Variants in EXOSC7 observed in about 807,000 individuals in gnomAD.
The protein encoded by EXOSC7 is exosome complex component RRP42.
A neutral mutation model predicts 34.3 loss-of-function variants in EXOSC7; 25 were observed. The observed-to-expected ratio is 0.73, with a 90% CI of 0.53 to 1.02. The LOEUF is 1.02. Among genes scored for constraint, EXOSC7 ranks in the 50% least tolerant of loss-of-function variants. EXOSC7 has a pLI of 0.00. For missense variants in EXOSC7, 370 were observed against 368.5 expected, an observed-to-expected ratio of 1.00 and a Z score of -0.03; for synonymous variants, 130 against 143.0, an observed-to-expected ratio of 0.91 and a Z score of 0.65.
intron 3 of EXOSC7, among the ~76,000 whole-genome samples, chr3:44,994,738 G>A (rs1284280896): frequency 6.6e-6 from 1 of 151,940 alleles, no homozygotes; most frequent in Non-Finnish European, 1.5e-5. Flanking sequence ...CGTTTTCCTA[G>A]CCTCCTCCCC....
chr3:44,988,708 TAGG>T (rs1056208648), intron 1 of EXOSC7, among the ~76,000 whole-genome samples: 48 of 152,316 alleles, frequency 3.2e-4, no homozygotes, highest in African/African-American at 1.2e-3. Flanking sequence ...GTTTTAGGGG[TAGG>T]AGGGCTTCAG....
intron 1 of EXOSC7, among the ~76,000 whole-genome samples, chr3:44,979,901 C>G (rs964592147): frequency 6.6e-6 from 1 of 152,016 alleles, no homozygotes; most frequent in African/African-American, 2.4e-5. Flanking sequence ...GAACCCTCTT[C>G]AGGTAGTTCA....
chr3:45,008,552 C>T (rs1707119827), intron 7 of EXOSC7, among the ~76,000 whole-genome samples: 1 of 152,108 alleles, frequency 6.6e-6, no homozygotes, highest in South Asian at 2.1e-4. Context: ...CCATAGTCCC[C>T]CTCATCTGCA....
At chr3:44,991,256 G>A (rs763723081) in intron 3 of EXOSC7, among the ~76,000 whole-genome samples, 2 of 152,034 alleles carry the variant, frequency 1.3e-5, no homozygotes, top group Admixed American at 1.3e-4. Context: ...CCCCCAAGTC[G>A]TCTCTCCTGG....
chr3:45,005,335 A>G lies in EXOSC7; in HGVS notation c.536A>G (p.Asp179Gly). The G allele has an allele frequency of 6.2e-7, 1 of 1,614,224 alleles. No homozygotes were observed. ...RVLEDEEGSKDIELSDDPYDC... is the reference protein window; with the variant it reads ...RVLEDEEGSKGIELSDDPYDC... ...TTGGAGGATGAAGAGGGGTCGAAGGACATTGAATTGTCAGATGACCCTTAT... is the reference window on the plus strand; with the variant it reads ...TTGGAGGATGAAGAGGGGTCGAAGGGCATTGAATTGTCAGATGACCCTTAT... Residue 179 changes from aspartate (D) to glycine (G), a missense_variant, in exon 6 of 8, where the codon GAC becomes GGC. Asp to Gly is a moderately conservative substitution (Grantham distance 94, BLOSUM62 -1). Coordinates refer to ENST00000265564, the MANE Select transcript of EXOSC7 (RefSeq NM_015004.4).
At chr3:44,994,605 A>G (rs2125967291) in intron 3 of EXOSC7, among the ~76,000 whole-genome samples, 1 of 152,290 alleles carries the variant, frequency 6.6e-6, no homozygotes, top group South Asian at 2.1e-4. Flanking sequence ...CCAGTAGTGA[A>G]GTGGAATCCT....
chr3:44,994,954 CA>C (rs368885412), intron 3 of EXOSC7, among the ~76,000 whole-genome samples: 10 of 147,180 alleles, frequency 6.8e-5, no homozygotes, highest in Non-Finnish European at 1.5e-4. Context: ...AACCCAGTGT[CA>C]AAAAAAAACC....
At chr3:44,978,824 C>T (rs889707083) in intron 1 of EXOSC7, among the ~76,000 whole-genome samples, 1 of 152,130 alleles carries the variant, frequency 6.6e-6, no homozygotes, top group African/African-American at 2.4e-5. Context: ...TTCAGTCATT[C>T]GCTCATCATG....
At chr3:44,978,640 G>C (rs1706188730) in intron 1 of EXOSC7, among the ~76,000 whole-genome samples, 1 of 152,206 alleles carries the variant, frequency 6.6e-6, no homozygotes. Context: ...CATTTGAACT[G>C]AGTTCTCAGC....
intron 1 of EXOSC7, among the ~76,000 whole-genome samples, chr3:44,977,936 A>G (rs570370928): frequency 6.6e-6 from 1 of 152,356 alleles, no homozygotes; most frequent in Admixed American, 6.5e-5. Context: ...GCAGTTCATT[A>G]GCTATCCAGC....
At chr3:44,991,852 C>T (rs942797613) in intron 3 of EXOSC7, among the ~76,000 whole-genome samples, 6 of 152,090 alleles carry the variant, frequency 3.9e-5, no homozygotes, top group Non-Finnish European at 8.8e-5. Flanking sequence ...AGGTAGTTCT[C>T]CTGAATTGAT....
chr3:45,009,360 G>A lies in EXOSC7; in HGVS notation c.771+1785G>A, dbSNP rs141337131. Among the ~76,000 whole-genome samples, 115 of 152,244 alleles carry A rather than the reference G, an allele frequency of 7.6e-4. 2 individuals are homozygous for A. The East Asian group carries it at 0.019, about 26-fold the overall frequency. ...GTAGTTGTGCAGGCTGCCACCCCTA[G>A]CCTCTGCAGTTGCTTTCCTGCATCT... On this transcript the variant is annotated intron_variant, in intron 7 of 7. Coordinates refer to ENST00000265564, the MANE Select transcript of EXOSC7 (RefSeq NM_015004.4).
Position 45,011,253 on chromosome 3 carries a change from A to G in EXOSC7, c.790A>G (p.Lys264Glu). 6.2e-7 allele frequency: 1 copy of G among 1,612,540 alleles called. No individual in the cohort carries two copies. Among genetic ancestry groups the G allele is most frequent in the East Asian group, 2.2e-5 (1 of 44,738 alleles). ...EMMETGKRVG[K>E]VLHASLQSVV... ...TCCACAGACTGGCAAGCGTGTGGGC[A>G]AGGTACTGCATGCCTCCTTGCAGAG... Residue 264 changes from lysine (K) to glutamate (E), a missense_variant, in exon 8 of 8, where the codon AAG becomes GAG. Around this residue, in one of 3 missense-constraint regions of EXOSC7, gnomAD observed 255 missense variants for 246.4 expected, o/e 1.03. Transcript: ENST00000265564.
chr3:44,993,095 G>T (rs1303683526), intron 3 of EXOSC7, among the ~76,000 whole-genome samples: 1 of 152,148 alleles, frequency 6.6e-6, no homozygotes, highest in Admixed American at 6.5e-5. Flanking sequence ...AGGGGCTGGG[G>T]GTGGGTACAA....
chr3:44,997,954 GC>G (rs1432009879), intron 4 of EXOSC7, among the ~76,000 whole-genome samples: 1 of 151,760 alleles, frequency 6.6e-6, no homozygotes. Flanking sequence ...CTTGTACTTT[GC>G]CTCCCAAATA....
At chr3:44,998,288 G>A (rs528824377) in intron 4 of EXOSC7, among the ~76,000 whole-genome samples, 17 of 152,042 alleles carry the variant, frequency 1.1e-4, no homozygotes, top group African/African-American at 3.9e-4. Context: ...CACCTGCCTC[G>A]GCCTCCCAAA....
chr3:44,986,693 A>C (rs2125963873), intron 1 of EXOSC7, among the ~76,000 whole-genome samples: 1 of 152,364 alleles, frequency 6.6e-6, no homozygotes, highest in Non-Finnish European at 1.5e-5. Context: ...TGCTGGGGGA[A>C]GGATGGGCTG....
intron 1 of EXOSC7, among the ~76,000 whole-genome samples, chr3:44,987,046 C>A (rs1706439310): frequency 6.7e-6 from 1 of 149,466 alleles, no homozygotes; most frequent in African/African-American, 2.5e-5. Context: ...GAAGGAGCTC[C>A]ATGAGCCAAC....
In EXOSC7 at chr3:45,001,521, A is replaced by G. The variant is rs372429393; in HGVS notation, c.421-17A>G. On this transcript the variant is annotated splice_polypyrimidine_tract_variant and intron_variant, in intron 4 of 7. Transcript: ENST00000265564. Reference sequence around the variant, plus strand: ...ATGCTTGGTTTTTTTTCCTTTTTCAATTCCTGTCTCCCTTAGCTTCTGGAA... The same window carrying G: ...ATGCTTGGTTTTTTTTCCTTTTTCAGTTCCTGTCTCCCTTAGCTTCTGGAA... 6 of 1,604,852 alleles carry G rather than the reference A, an allele frequency of 3.7e-6. No individual in the cohort carries two copies. The highest frequency in any genetic ancestry group is 5.1e-6 in the Non-Finnish European group (6 of 1,171,996).
Sources: gnomAD v4.1 joint callset for allele counts (sites outside exome capture counted in the v4.1 genomes callset) on GRCh38, gnomAD v4.1.1 for gene constraint, gnomAD v4.1.1 regional missense constraint, MANE v1.5 for transcripts, NCBI Gene and HGNC (gene_info 2026-07-23, HGNC 2026-07-21) for gene names.